CCDC25: variants seen among roughly 807,000 people sequenced by gnomAD.
CCDC25 encodes coiled-coil domain-containing protein 25.
CCDC25 carries 16 observed loss-of-function variants against 35.3 expected under a neutral mutation model. The ratio of observed to expected loss-of-function variants is 0.45; its 90% CI spans 0.31 to 0.69. The LOEUF (loss-of-function observed/expected upper bound fraction) is 0.69. Among genes scored for constraint, CCDC25 ranks in the 30% least tolerant of loss-of-function variants. The probability of loss-of-function intolerance (pLI) is 0.06; values close to 1 mark genes in which losing one functional copy is unlikely to be tolerated. For missense variants in CCDC25, 179 were observed against 250.7 expected, an observed-to-expected ratio of 0.71 and a Z score of 1.93; for synonymous variants, 79 against 80.3, an observed-to-expected ratio of 0.98 and a Z score of 0.09.
intron 7 of CCDC25, among the ~76,000 whole-genome samples, chr8:27,745,183 G>A (rs1803564208): frequency 1.3e-5 from 2 of 152,008 alleles, no homozygotes; most frequent in Admixed American, 1.3e-4. Context: ...TTTTTGTAGA[G>A]ACAGTCCTAA....
At chr8:27,751,410 C>G (rs1488812112) in intron 5 of CCDC25, among the ~76,000 whole-genome samples, 1 of 152,198 alleles carries the variant, frequency 6.6e-6, no homozygotes, top group Non-Finnish European at 1.5e-5. Context: ...AAATCAGTGG[C>G]TCTGTAAAGC....
chr8:27,748,392 TA>T, intron 6 of CCDC25, 102 bp downstream of exon 6: 1 of 1,307,758 alleles, frequency 7.6e-7, no homozygotes, highest in South Asian at 1.2e-5. Context: ...TTAGAAAACA[TA>T]TATCATGCTC....
chr8:27,743,778 C>T (rs1302882747), intron 7 of CCDC25, among the ~76,000 whole-genome samples: 1 of 152,130 alleles, frequency 6.6e-6, no homozygotes, highest in East Asian at 1.9e-4. Flanking sequence ...TCTGTAGTCC[C>T]AGCTACTAAG....
chr8:27,736,127 T>A lies in CCDC25; in HGVS notation c.*89A>T. On this transcript the variant is annotated 3_prime_UTR_variant, in exon 9 of 9. Coordinates refer to ENST00000356537, the MANE Select transcript of CCDC25 (RefSeq NM_018246.3). ...GATGAAGGTAGAATTTTGGTTGTAT[T>A]TTATATTTCAGAACACAGATGAAAC... The A allele has an allele frequency of 7.8e-7, 1 of 1,280,472 alleles. No homozygotes were observed. The allele number at this position is 1,280,472 out of a possible 1,614,324, so 79.3% of individuals were successfully genotyped here. A position where few individuals can be genotyped will look rare whatever the true frequency, so the allele number is the denominator to read the frequency against.
chr8:27,737,884 T>TCTCACACACACACACACACACA lies in CCDC25; in HGVS notation c.598-1640_598-1639insTGTGTGTGTGTGTGTGTGTGAG. ...AACTGTGGTGTGTGTATACACACACTCACACACACACACACACACACACAC... is the reference window on the plus strand; with the variant it reads ...AACTGTGGTGTGTGTATACACACACTCTCACACACACACACACACACACACACACACACACACACACACACAC... On this transcript the variant is annotated intron_variant, in intron 8 of 8. Coordinates refer to ENST00000356537, the MANE Select transcript of CCDC25 (RefSeq NM_018246.3). The surrounding 1 kb of genome is among the most constrained non-coding windows in gnomAD (Gnocchi z 4.6). Among the ~76,000 whole-genome samples the TCTCACACACACACACACACACA allele has an allele frequency of 6.7e-6, 1 of 148,562 alleles. No homozygotes were observed. Among genetic ancestry groups the TCTCACACACACACACACACACA allele is most frequent in the African/African-American group, 2.5e-5 (1 of 40,310 alleles).
At chr8:27,739,600 A>C (rs1480739649) in intron 8 of CCDC25, among the ~76,000 whole-genome samples, 3 of 152,240 alleles carry the variant, frequency 2.0e-5, no homozygotes, top group Non-Finnish European at 4.4e-5. Context: ...TATTATAAGT[A>C]ATCTAGAGAT....
At chr8:27,758,924 T>C (rs1359151526) in intron 3 of CCDC25, among the ~76,000 whole-genome samples, 3 of 152,174 alleles carry the variant, frequency 2.0e-5, no homozygotes, top group African/African-American at 7.2e-5. Context: ...ATTTCAGGTT[T>C]GTATATGATA....
intron 5 of CCDC25, among the ~76,000 whole-genome samples, chr8:27,752,041 T>C (rs1803829869): frequency 1.3e-5 from 2 of 152,036 alleles, no homozygotes. Context: ...AGGGAAAAAG[T>C]ATGTAAGAGG....
Position 27,762,448 on chromosome 8 carries a change from C to G in CCDC25, c.87G>C (p.Leu29=). The change falls in exon 3 of 9, where the codon CTG becomes CTC. Residue 29 remains leucine (L), a synonymous_variant. Coordinates refer to ENST00000356537, the MANE Select transcript of CCDC25 (RefSeq NM_018246.3). ...TATCTTCAGGCCAGCCATGCTTGAT[C>G]AGATCTTCATCTGCAATGAGATATG... ...MGKDKYENED[L]IKHGWPEDIW... 6.2e-7 allele frequency: 1 copy of G among 1,613,318 alleles called. No individual in the cohort carries two copies. The highest frequency in any genetic ancestry group is 8.5e-7 in the Non-Finnish European group (1 of 1,179,780).
At chr8:27,771,272 G>A (rs1323147661) in intron 1 of CCDC25, among the ~76,000 whole-genome samples, 1 of 152,112 alleles carries the variant, frequency 6.6e-6, no homozygotes, top group African/African-American at 2.4e-5. Context: ...TACATTTGTG[G>A]TAGGCTATAC....
chr8:27,761,405 G>C (rs571406858), intron 3 of CCDC25, among the ~76,000 whole-genome samples: 74 of 152,230 alleles, frequency 4.9e-4, no homozygotes, highest in Non-Finnish European at 8.5e-4. Context: ...TGAAAAAATG[G>C]GCATAAATAT....
At position 27,772,624 on chromosome 8, in the gene CCDC25, G is replaced by C. The variant is rs1804674081; in HGVS notation, c.-84C>G. 5 of 1,413,434 alleles carry C rather than the reference G, an allele frequency of 3.5e-6. No individual in the cohort carries two copies. Among genetic ancestry groups the C allele is most frequent in the African/African-American group, 2.8e-5 (2 of 70,318 alleles). The allele number at this position is 1,413,434 out of a possible 1,614,324, so 87.6% of individuals were successfully genotyped here. A position where few individuals can be genotyped will look rare whatever the true frequency, so the allele number is the denominator to read the frequency against. On this transcript the variant is annotated 5_prime_UTR_variant, in exon 1 of 9. Transcript: ENST00000356537. Reference sequence around the variant, plus strand: ...TCAGGATACCAGACTCGCGGCGGCCGCCTGGCCCCCGGAACTCCTCCGTGC... The same window carrying C: ...TCAGGATACCAGACTCGCGGCGGCCCCCTGGCCCCCGGAACTCCTCCGTGC...
intron 5 of CCDC25, among the ~76,000 whole-genome samples, chr8:27,752,207 G>C (rs1803835433): frequency 6.6e-6 from 1 of 152,126 alleles, no homozygotes; most frequent in South Asian, 2.1e-4. Flanking sequence ...ATTTCCCAAA[G>C]TCTTTTTATA....
chr8:27,770,454 T>C (rs1443179976), intron 1 of CCDC25, among the ~76,000 whole-genome samples: 1 of 149,416 alleles, frequency 6.7e-6, no homozygotes, highest in Non-Finnish European at 1.5e-5. Context: ...ATCTCACCTT[T>C]AGACCGGGCG....
At chr8:27,748,752 CA>C (rs1307106383) in intron 5 of CCDC25, among the ~76,000 whole-genome samples, 154 bp from the exon 6 acceptor site, 1 of 152,218 alleles carries the variant, frequency 6.6e-6, no homozygotes, top group African/African-American at 2.4e-5. Flanking sequence ...TTTCAAAAGC[CA>C]CCCACAAAAG....
chr8:27,771,927 T>C (rs568513161), intron 1 of CCDC25: 2 of 152,426 alleles, frequency 1.3e-5, no homozygotes, highest in African/African-American at 4.8e-5. Context: ...TCCTTATCTG[T>C]CAAAGATAAG....
intron 2 of CCDC25, 76 bp from the exon 3 acceptor site, chr8:27,762,534 A>G: frequency 7.5e-7 from 1 of 1,336,438 alleles, no homozygotes; most frequent in Non-Finnish European, 1.1e-6. Context: ...AGAATGGGAG[A>G]AATGTCAGCT....
intron 3 of CCDC25, among the ~76,000 whole-genome samples, chr8:27,758,518 G>T (rs2128943721): frequency 1.3e-5 from 2 of 152,312 alleles, no homozygotes; most frequent in South Asian, 4.1e-4. Flanking sequence ...ATTCCCATGT[G>T]AGAGATTCAT....
At chr8:27,766,911 T>C (rs1804419745) in intron 1 of CCDC25, among the ~76,000 whole-genome samples, 1 of 151,666 alleles carries the variant, frequency 6.6e-6, no homozygotes, top group African/African-American at 2.4e-5. Flanking sequence ...TAAATGATTA[T>C]AATGGTATGT....
Sources: gnomAD v4.1 joint callset for allele counts (sites outside exome capture counted in the v4.1 genomes callset) on GRCh38, gnomAD v4.1.1 for gene constraint, Gnocchi (gnomAD v3.1) non-coding constraint, MANE v1.5 for transcripts, NCBI Gene and HGNC (gene_info 2026-07-23, HGNC 2026-07-21) for gene names.